Variants in FAM120C observed in about 807,000 individuals in gnomAD.
FAM120C encodes the protein family with sequence similarity 120 member C.
A neutral mutation model predicts 71.2 loss-of-function variants in FAM120C; 14 were observed. The observed-to-expected ratio is 0.20, with a 90% CI of 0.13 to 0.31. FAM120C has a LOEUF of 0.31. FAM120C is among the 10% of genes least tolerant of loss of function. FAM120C has a pLI of 1.00. For missense variants in FAM120C, 500 were observed against 879.0 expected, an observed-to-expected ratio of 0.57 and a Z score of 5.45; for synonymous variants, 354 against 353.2, an observed-to-expected ratio of 1.00 and a Z score of -0.03.
rs1455517617 is a variant in FAM120C at position 54,071,469 on chromosome X, C to A, written c.*1564G>T. The A allele has an allele frequency of 1.8e-5, 2 of 112,922 alleles. No homozygotes were observed. Among genetic ancestry groups the A allele is most frequent in the African/African-American group, 6.4e-5 (2 of 31,147 alleles). 9.3% of individuals were successfully genotyped at this position (112,922 alleles called of 1,213,427 possible). A position where few individuals can be genotyped will look rare whatever the true frequency, so the allele number is the denominator to read the frequency against. On this transcript the variant is annotated 3_prime_UTR_variant, in exon 16 of 16. Coordinates refer to ENST00000375180, the MANE Select transcript of FAM120C (RefSeq NM_017848.6). ...CAAATAGTTTCCTCACACTTCCCTA[C>A]CCTATCTTTCCAAAGCTAGTCCTCT...
chrX:54,150,966 T>C (rs1317555623), intron 4 of FAM120C, among the ~76,000 whole-genome samples: 1 of 111,160 alleles, frequency 9.0e-6, no homozygotes, highest in Non-Finnish European at 1.9e-5. Context: ...CCACCCACCT[T>C]GGCCTCCCAA....
In FAM120C at chrX:54,072,888, G is replaced by C. The variant is rs1557120206; in HGVS notation, c.*145C>G. 3.0e-6 allele frequency: 2 copies of C among 675,950 alleles called. No homozygotes were observed. Among genetic ancestry groups the C allele is most frequent in the East Asian group, 6.8e-5 (2 of 29,411 alleles). The allele number at this position is 675,950 out of a possible 1,213,427, so 55.7% of individuals were successfully genotyped here. A position where few individuals can be genotyped will look rare whatever the true frequency, so the allele number is the denominator to read the frequency against. ...AAGTCCCAGAAACAGGCAGGGAAGG[G>C]GAAAAGATGGACACAATAGGACATC... On this transcript the variant is annotated 3_prime_UTR_variant, in exon 16 of 16. Coordinates refer to ENST00000375180, the MANE Select transcript of FAM120C (RefSeq NM_017848.6).
intron 4 of FAM120C, among the ~76,000 whole-genome samples, chrX:54,143,814 A>G: frequency 8.9e-6 from 1 of 112,043 alleles, no homozygotes. Flanking sequence ...AACTCATTTT[A>G]TGAGGCCAGC....
rs1215079766 is a variant in FAM120C at position 54,136,429 on chromosome X, C to G, written c.1258+62G>C. 1.1e-5 allele frequency: 9 copies of G among 844,691 alleles called. No homozygotes were observed. The East Asian group carries it at 1.3e-4, about 12-fold the overall frequency. 69.6% of individuals were successfully genotyped at this position (844,691 alleles called of 1,213,427 possible). A position where few individuals can be genotyped will look rare whatever the true frequency, so the allele number is the denominator to read the frequency against. On this transcript the variant is annotated intron_variant, in intron 5 of 15. Coordinates refer to ENST00000375180, the MANE Select transcript of FAM120C (RefSeq NM_017848.6). ...TGATTCCACTCTGGCCCTGGAGTTCCTGAGGGACCAACTCAGTTTCCCCTA... is the reference window on the plus strand; with the variant it reads ...TGATTCCACTCTGGCCCTGGAGTTCGTGAGGGACCAACTCAGTTTCCCCTA...
At chrX:54,089,472 T>A (rs1320020676) in intron 11 of FAM120C, among the ~76,000 whole-genome samples, 6 of 111,622 alleles carry the variant, frequency 5.4e-5, no homozygotes, top group African/African-American at 2.0e-4. Context: ...CTACATTTAC[T>A]GCAAAAGGCA....
chrX:54,098,210 T>A (rs1557123650), intron 10 of FAM120C, among the ~76,000 whole-genome samples: 1 of 108,458 alleles, frequency 9.2e-6, no homozygotes, highest in East Asian at 2.9e-4. Flanking sequence ...CCTGGCTAAT[T>A]CTGTATTTTT....
At chrX:54,091,184 G>C (rs1313849947) in intron 11 of FAM120C, 128 bp downstream of exon 11, 1 of 442,061 alleles carries the variant, frequency 2.3e-6, no homozygotes, top group African/African-American at 2.5e-5. Flanking sequence ...ATAAATATTT[G>C]GTTAAAGTAA....
chrX:54,084,042 G>A (rs1269495230), intron 13 of FAM120C, among the ~76,000 whole-genome samples: 1 of 111,111 alleles, frequency 9.0e-6, no homozygotes, highest in East Asian at 2.8e-4. Context: ...ACTTTTAAGA[G>A]GGACAAGAAA....
At chrX:54,159,033 T>C (rs1277011647) in intron 2 of FAM120C, among the ~76,000 whole-genome samples, 4 of 112,099 alleles carry the variant, frequency 3.6e-5, no homozygotes, top group African/African-American at 1.3e-4. Context: ...GTTAATGCTC[T>C]GTGTGGGGAA....
intron 1 of FAM120C, among the ~76,000 whole-genome samples, chrX:54,166,987 G>C (rs2067262836): frequency 9.0e-6 from 1 of 111,470 alleles, no homozygotes; most frequent in East Asian, 2.8e-4. Context: ...CAATATGGCA[G>C]TGTGTAGAAT....
intron 1 of FAM120C, among the ~76,000 whole-genome samples, chrX:54,178,991 A>T (rs1341506610): frequency 8.9e-6 from 1 of 112,169 alleles, no homozygotes; most frequent in East Asian, 2.8e-4. Context: ...CCATTAAAAC[A>T]AAGCATTCAT....
At position 54,182,674 on chromosome X, in the gene FAM120C, C is replaced by G; in HGVS notation, c.525G>C (p.Leu175=). 8.3e-7 allele frequency: 1 copy of G among 1,209,587 alleles called. No individual in the cohort carries two copies. Among genetic ancestry groups the G allele is most frequent in the Non-Finnish European group, 1.1e-6 (1 of 894,775 alleles). The change falls in exon 1 of 16, where the codon CTG becomes CTC. Residue 175 remains leucine (L), a synonymous_variant. Coordinates refer to ENST00000375180, the MANE Select transcript of FAM120C (RefSeq NM_017848.6). ...CCCACTCGGCCAGCCGGTCCTTGCC[C>G]AGGCCCCCCGGGAACATGACCACGA... The part of the protein sequence containing the change: ...LELVVMFPGG[L]GKDRLAEWGR...
At chrX:54,114,275 G>A (rs1557126282) in intron 10 of FAM120C, among the ~76,000 whole-genome samples, 1 of 111,106 alleles carries the variant, frequency 9.0e-6, no homozygotes, top group African/African-American at 3.3e-5. Flanking sequence ...AGGGTGGGAA[G>A]GGGGTGAGGG....
chrX:54,126,188 G>T (rs1374184886), intron 9 of FAM120C, among the ~76,000 whole-genome samples: 3 of 111,774 alleles, frequency 2.7e-5, no homozygotes, highest in Non-Finnish European at 3.8e-5. Context: ...TGATGTCTAT[G>T]CCTTCTATTT....
intron 9 of FAM120C, among the ~76,000 whole-genome samples, chrX:54,117,497 C>A (rs782428570): frequency 9.3e-6 from 1 of 107,004 alleles, no homozygotes; most frequent in Admixed American, 1.0e-4. Context: ...GAGTTCAAGA[C>A]CAGCCTGGCC....
chrX:54,136,124 G>A (rs987617942), intron 5 of FAM120C, among the ~76,000 whole-genome samples: 5 of 110,000 alleles, frequency 4.5e-5, no homozygotes, highest in Admixed American at 9.7e-5. Context: ...TCAGCCTCCC[G>A]AGTAGCTGGG....
intron 9 of FAM120C, among the ~76,000 whole-genome samples, chrX:54,118,691 CTTTTTTTCT>C (rs1416677962): frequency 8.7e-5 from 3 of 34,633 alleles, no homozygotes; most frequent in South Asian, 1.4e-3. Flanking sequence ...TTGTATTTTT[CTTTTTTTCT>C]TTTTTTTTTT....
intron 9 of FAM120C, among the ~76,000 whole-genome samples, chrX:54,129,472 A>G (rs1443201573): frequency 9.9e-6 from 1 of 101,042 alleles, no homozygotes; most frequent in African/African-American, 3.7e-5. Context: ...GGTGGCCGGG[A>G]AGAGGCGCTC....
In FAM120C at chrX:54,179,650, T is replaced by C. The variant is rs375508181; in HGVS notation, c.699+2850A>G. ...CGACAGACACTTTAGATATGCAATT[T>C]TGGAGCTGGTCTTAAATCCATTATA... On this transcript the variant is annotated intron_variant, in intron 1 of 15. Coordinates refer to ENST00000375180, the MANE Select transcript of FAM120C (RefSeq NM_017848.6). Among the ~76,000 whole-genome samples, 6 of 111,573 alleles carry C rather than the reference T, an allele frequency of 5.4e-5. No homozygotes were observed. The East Asian group carries it at 1.4e-3, about 26-fold the overall frequency.
Sources: gnomAD v4.1 joint callset for allele counts (sites outside exome capture counted in the v4.1 genomes callset) on GRCh38, gnomAD v4.1.1 for gene constraint, MANE v1.5 for transcripts, NCBI Gene and HGNC (gene_info 2026-07-23, HGNC 2026-07-21) for gene names.